IGDCC3: variants seen among roughly 807,000 people sequenced by gnomAD.
IGDCC3 encodes the protein immunoglobulin superfamily DCC subclass member 3, also known as putative neuronal cell adhesion molecule.
A neutral mutation model predicts 72.0 loss-of-function variants in IGDCC3; 47 were observed. The ratio of observed to expected loss-of-function variants is 0.65; its 90% confidence interval spans 0.52 to 0.83. IGDCC3 has a LOEUF of 0.83. Among genes scored for constraint, IGDCC3 ranks in the 40% least tolerant of loss-of-function variants. IGDCC3 has a pLI of 0.00. For missense variants in IGDCC3, 1,038 were observed against 1,091.3 expected (o/e 0.95, Z 0.69); for synonymous variants, 477 against 472.8 (o/e 1.01, Z -0.11).
In IGDCC3 at chr15:65,375,209, A is replaced by G; in HGVS notation, c.297T>C (p.Arg99=). Residue 99 remains arginine (R), a synonymous_variant, in exon 2 of 14, where the codon CGT becomes CGC. Transcript: ENST00000327987. ...TGCCTCCCGGCTCCAGCCTGAAGTGACGGATCATCAAGGACCCATTGGCCA... is the reference window on the plus strand; with the variant it reads ...TGCCTCCCGGCTCCAGCCTGAAGTGGCGGATCATCAAGGACCCATTGGCCA... ...TLLANGSLMI[R]HFRLEPGGSP... The G allele has an allele frequency of 1.2e-6, 2 of 1,614,216 alleles. No individual in the cohort carries two copies. Among genetic ancestry groups the G allele is most frequent in the Non-Finnish European group, 1.7e-6 (2 of 1,180,046 alleles).
chr15:65,343,538 GC>G, intron 2 of IGDCC3, among the ~76,000 whole-genome samples: 1 of 152,222 alleles, frequency 6.6e-6, no homozygotes, highest in Non-Finnish European at 1.5e-5. Flanking sequence ...GGTAATTGAG[GC>G]CTTGATTTCT....
Position 65,331,422 on chromosome 15 carries a change from C to T in IGDCC3, c.1386G>A (p.Arg462=), listed in dbSNP as rs2090976870. 2 of 1,605,192 alleles carry T rather than the reference C, an allele frequency of 1.2e-6. No homozygotes were observed. Among genetic ancestry groups the T allele is most frequent in the Middle Eastern group, 1.7e-4 (1 of 6,030 alleles). The stretch of plus-strand genomic sequence containing the variant: ...GCTGGCCACGCGCACCAGCAGCCTT[C>T]CTGATGTGCAGGACGTAGCCGATGA... The part of the protein sequence containing the change: ...KEIIGYVLHI[R]KAADPPELEY... The change falls in exon 8 of 14, where the codon AGG becomes AGA. Residue 462 remains arginine, a synonymous_variant. Coordinates refer to ENST00000327987, the MANE Select transcript of IGDCC3 (RefSeq NM_004884.4).
In IGDCC3 at chr15:65,333,370, C is replaced by T; in HGVS notation, c.869G>A (p.Gly290Glu). The T allele has an allele frequency of 6.2e-7, 1 of 1,611,466 alleles. No individual in the cohort carries two copies. ...CGTCACGTCTGAGATGATGAGGTTT[C>T]CTGTGCCCAGCACCTGGATGCCCTC... Reference protein sequence around the residue: ...GVEGIQVLGTGNLIISDVTVQ... With the variant: ...GVEGIQVLGTENLIISDVTVQ... Residue 290 changes from glycine to glutamate, a missense_variant, in exon 6 of 14, where the codon GGA (glycine) becomes GAA (glutamate). Physicochemically the swap from Gly to Glu is moderately conservative, Grantham distance 98. Transcript: ENST00000327987.
chr15:65,360,682 A>G (rs1339493883), intron 2 of IGDCC3, among the ~76,000 whole-genome samples: 2 of 152,228 alleles, frequency 1.3e-5, no homozygotes, highest in Admixed American at 1.3e-4. Context: ...CTGGGTTTCA[A>G]TTCTCTAAGG....
Position 65,329,733 on chromosome 15 carries a change from T to G in IGDCC3, c.1990A>C (p.Arg664=). The G allele has an allele frequency of 1.9e-6, 3 of 1,613,988 alleles. No individual in the cohort carries two copies. The highest frequency in any genetic ancestry group is 2.5e-6 in the Non-Finnish European group (3 of 1,179,982). ...CCCTGGCCCAGGACCCACCTGCCCC[T>G]TTGGCCGAACAGGAGGAAGAGGACA... ...FCVLFLLFGQ[R]GRVLLCKDVE... The change falls in exon 12 of 14, where the codon AGG becomes CGG. Residue 664 remains arginine, a synonymous_variant. Transcript: ENST00000327987. The surrounding 1 kb of genome is among the most constrained non-coding windows in gnomAD (Gnocchi z 4.1).
At chr15:65,376,147 G>A (rs2091357509) in intron 1 of IGDCC3, among the ~76,000 whole-genome samples, 1 of 152,154 alleles carries the variant, frequency 6.6e-6, no homozygotes, top group Admixed American at 6.5e-5. Context: ...CTTTGTCATA[G>A]GGAGAGATGA....
intron 2 of IGDCC3, among the ~76,000 whole-genome samples, chr15:65,343,278 G>A (rs1484797348): frequency 2.0e-5 from 3 of 152,178 alleles, no homozygotes; most frequent in Non-Finnish European, 2.9e-5. Context: ...AGGAAGAAAT[G>A]GTCGTGTCTC....
chr15:65,371,038 C>T (rs943313018), intron 2 of IGDCC3, among the ~76,000 whole-genome samples: 1 of 152,246 alleles, frequency 6.6e-6, no homozygotes, highest in Non-Finnish European at 1.5e-5. Context: ...GTCTGTTTGC[C>T]ACCACAACCC....
chr15:65,355,849 C>T, intron 2 of IGDCC3: 1 of 383,628 alleles, frequency 2.6e-6, no homozygotes, highest in East Asian at 1.1e-4. Context: ...GGCACCATTT[C>T]CCGCCACCCC....
rs543875728 is a variant in IGDCC3, at chr15:65,358,763, C to T, written c.409+16334G>A. Among the ~76,000 whole-genome samples, 27 of 152,244 alleles carry T rather than the reference C, an allele frequency of 1.8e-4. No homozygotes were observed. In the South Asian group the frequency reaches 4.2e-3, roughly 23 times the overall value. On this transcript the variant is annotated intron_variant, in intron 2 of 13. Coordinates refer to ENST00000327987, the MANE Select transcript of IGDCC3 (RefSeq NM_004884.4). ...GCAGCCTCGAACTCCTGGGCTCAAC[C>T]GATCCTCCCACCTCAGCCTTTTAAG...
intron 2 of IGDCC3, among the ~76,000 whole-genome samples, chr15:65,371,793 C>T (rs2091327022): frequency 6.6e-6 from 1 of 152,198 alleles, no homozygotes; most frequent in Non-Finnish European, 1.5e-5. Flanking sequence ...TGGAGTCATT[C>T]AGGCACACAG....
chr15:65,330,426 T>C (rs748352073), intron 10 of IGDCC3, 29 bp from the exon 11 acceptor site: 2 of 1,589,992 alleles, frequency 1.3e-6, no homozygotes, highest in Admixed American at 1.7e-5. Flanking sequence ...GATGAGCAAC[T>C]GCCCCTGCCC....
rs564018468 is a variant in IGDCC3, at chr15:65,331,871, GC to G, written c.1148+69del. ...GGCAGGAGGTGTACAGCCTACTCAG[GC>G]CACTCACTCCAGGCCCCGCTTTCCC... On this transcript the variant is annotated intron_variant, in intron 7 of 13. Coordinates refer to ENST00000327987, the MANE Select transcript of IGDCC3 (RefSeq NM_004884.4). The G allele has an allele frequency of 9.8e-6, 15 of 1,531,080 alleles. No homozygotes were observed. The South Asian group carries it at 1.8e-4, about 19-fold the overall frequency. 94.8% of individuals were successfully genotyped at this position (1,531,080 alleles called of 1,614,324 possible). A position where few individuals can be genotyped will look rare whatever the true frequency, so the allele number is the denominator to read the frequency against.
chr15:65,340,403 T>C (rs1450968588), intron 2 of IGDCC3, among the ~76,000 whole-genome samples: 1 of 152,182 alleles, frequency 6.6e-6, no homozygotes, highest in East Asian at 1.9e-4. Flanking sequence ...TCTGGGGGCA[T>C]GTTTGGATGG....
At chr15:65,375,444 G>A (rs1212177523) in intron 1 of IGDCC3, 42 bp from the exon 2 acceptor site, 1 of 1,493,606 alleles carries the variant, frequency 6.7e-7, no homozygotes, top group South Asian at 1.3e-5. Flanking sequence ...AGGGGTGTTA[G>A]TATGAAATGA....
intron 2 of IGDCC3, among the ~76,000 whole-genome samples, chr15:65,344,129 T>A (rs1396074295): frequency 6.6e-6 from 1 of 152,142 alleles, no homozygotes; most frequent in Non-Finnish European, 1.5e-5. Context: ...CCAAAGAGTA[T>A]GTTTTGAGAA....
Position 65,377,614 on chromosome 15 carries a change from G to A in IGDCC3, c.103+72C>T, listed in dbSNP as rs1567075021. 2 of 1,314,666 alleles carry A rather than the reference G, an allele frequency of 1.5e-6. No individual in the cohort carries two copies. Among genetic ancestry groups the A allele is most frequent in the South Asian group, 2.1e-5 (1 of 48,750 alleles). The allele number at this position is 1,314,666 out of a possible 1,614,324, so 81.4% of individuals were successfully genotyped here. A position where few individuals can be genotyped will look rare whatever the true frequency, so the allele number is the denominator to read the frequency against. ...CGCTCTCCCCGGGTCCGCCCCTCGC[G>A]CCCGCTCCCTCCCTGCTCGCCCTTC... On this transcript the variant is annotated intron_variant, in intron 1 of 13. Transcript: ENST00000327987. The surrounding 1 kb of genome is among the most constrained non-coding windows in gnomAD (Gnocchi z 4.9).
chr15:65,376,202 G>A (rs1477233637), intron 1 of IGDCC3, among the ~76,000 whole-genome samples: 1 of 152,166 alleles, frequency 6.6e-6, no homozygotes, highest in Non-Finnish European at 1.5e-5. Flanking sequence ...CAAGGAAGAG[G>A]GTGCTCCTAG....
In IGDCC3 at chr15:65,331,254, G is replaced by C. The variant is rs1011330212; in HGVS notation, c.1397-40C>G. ...GGTGGGCAGGGGAGTGTGAAGGACT[G>C]GGGGAGTCCTGCCAGCATTGGTGAA... is the stretch of plus-strand genomic sequence containing the variant. On this transcript the variant is annotated intron_variant, in intron 8 of 13. Coordinates refer to ENST00000327987, the MANE Select transcript of IGDCC3 (RefSeq NM_004884.4). The C allele has an allele frequency of 2.5e-6, 4 of 1,602,548 alleles. No individual in the cohort carries two copies. The African/African-American group carries it at 4.0e-5, about 16-fold the overall frequency.
Sources: gnomAD v4.1 joint callset for allele counts (sites outside exome capture counted in the v4.1 genomes callset) on GRCh38, gnomAD v4.1.1 for gene constraint, Gnocchi (gnomAD v3.1) non-coding constraint, MANE v1.5 for transcripts, NCBI Gene and HGNC (gene_info 2026-07-23, HGNC 2026-07-21) for gene names.